The following SLC7A7 variants were observed in gnomAD, a reference collection of about 807,000 sequenced individuals.
The protein encoded by SLC7A7 is solute carrier family 7 member 7.
Under a neutral mutation model 47.9 loss-of-function variants are expected in SLC7A7, and 39 were observed. The observed-to-expected ratio is 0.81, with a 90% confidence interval of 0.63 to 1.06. SLC7A7 has a LOEUF of 1.06. SLC7A7 is among the 50% of genes least tolerant of loss of function. The pLI is 0.00. For missense variants in SLC7A7, 588 were observed against 632.0 expected (o/e 0.93, Z 0.75); for synonymous variants, 234 against 242.8 (o/e 0.96, Z 0.34).
chr14:22,791,977 G>T (rs1449538404), intron 2 of SLC7A7, among the ~76,000 whole-genome samples: 8 of 151,956 alleles, frequency 5.3e-5, no homozygotes, highest in Non-Finnish European at 8.8e-5. Flanking sequence ...TGGGACTACG[G>T]GCGTCCGCCA....
At chr14:22,800,244 C>T (rs3850293) in intron 2 of SLC7A7, among the ~76,000 whole-genome samples, 120,073 of 152,118 alleles carry the variant, frequency 0.79, 48,010 homozygotes, top group Non-Finnish European at 0.86. Context: ...TAAGAGTTTT[C>T]TCATTGCCTT....
At chr14:22,813,468 A>AT in intron 1 of SLC7A7, 28 bp from the exon 2 acceptor site, 1 of 1,591,316 alleles carries the variant, frequency 6.3e-7, no homozygotes, top group Non-Finnish European at 8.5e-7. Flanking sequence ...GATGCTATAG[A>AT]TTAGGTGGTT....
intron 2 of SLC7A7, among the ~76,000 whole-genome samples, chr14:22,805,944 C>A (rs1367124270): frequency 6.6e-6 from 1 of 151,234 alleles, no homozygotes; most frequent in Non-Finnish European, 1.5e-5. Flanking sequence ...AGATTGAGAC[C>A]ATCCTGGCCA....
chr14:22,795,665 G>A (rs1308014360), intron 2 of SLC7A7, among the ~76,000 whole-genome samples: 3 of 151,310 alleles, frequency 2.0e-5, no homozygotes, highest in Admixed American at 1.3e-4. Context: ...TAGTAGAGAC[G>A]GGTTTCACCA....
intron 2 of SLC7A7, among the ~76,000 whole-genome samples, chr14:22,812,048 T>C (rs1214016410): frequency 1.3e-5 from 2 of 152,162 alleles, no homozygotes; most frequent in African/African-American, 2.4e-5. Flanking sequence ...TTTTAAAAAG[T>C]AGATCTGTAA....
At position 22,776,023 on chromosome 14, in the gene SLC7A7, G is replaced by A. The variant is rs867976475; in HGVS notation, c.895-87C>T. 4.2e-5 allele frequency: 59 copies of A among 1,413,004 alleles called. No individual in the cohort carries two copies. In the African/African-American group the frequency reaches 6.8e-4, roughly 16 times the overall value. 87.5% of individuals were successfully genotyped at this position (1,413,004 alleles called of 1,614,324 possible). Reference sequence around the variant, plus strand: ...GCATGCCCCCAGATTCCCCTTATTAGGTATTCCAACCTTTCTTCCACAGTG... The same window carrying A: ...GCATGCCCCCAGATTCCCCTTATTAAGTATTCCAACCTTTCTTCCACAGTG... On this transcript the variant is annotated intron_variant, in intron 5 of 9. Coordinates refer to ENST00000674313, the MANE Select transcript of SLC7A7 (RefSeq NM_003982.4).
chr14:22,777,179 G>A (rs936423293), intron 4 of SLC7A7, among the ~76,000 whole-genome samples: 4 of 151,140 alleles, frequency 2.6e-5, no homozygotes, highest in Non-Finnish European at 4.4e-5. Context: ...AGGGCGGGGG[G>A]GATTAACAAA....
intron 2 of SLC7A7, among the ~76,000 whole-genome samples, chr14:22,781,929 C>T (rs549184670): frequency 3.3e-5 from 5 of 152,156 alleles, no homozygotes; most frequent in Non-Finnish European, 5.9e-5. Flanking sequence ...AATAAGCTTA[C>T]AGGACTAGCT....
chr14:22,774,006 T>C lies in SLC7A7; in HGVS notation c.1356A>G (p.Ser452=), dbSNP rs1346185145. Residue 452 remains serine (S), a synonymous_variant, in exon 9 of 10, where the codon TCA becomes TCG. Transcript: ENST00000674313. The stretch of plus-strand genomic sequence containing the variant: ...TGATGAGGAAGTAAAAGGGCAGGCC[T>C]GAGAGGGCAATGGCAATGCCGATGA... ...NSLIGIAIAL[S]GLPFYFLIIR... 5 of 1,613,960 alleles carry C rather than the reference T, an allele frequency of 3.1e-6. No individual in the cohort carries two copies. The highest frequency in any genetic ancestry group is 4.2e-6 in the Non-Finnish European group (5 of 1,180,000).
chr14:22,795,449 A>ATTCTT lies in SLC7A7; in HGVS notation c.500-15403_500-15399dup, dbSNP rs141036441. ...TTCTTTCTTTCTTTCTTTCTTTTCT[A>ATTCTT]TTCTTTTCTTTTCTTTTCTTTTCTT... On this transcript the variant is annotated intron_variant, in intron 2 of 9. Transcript: ENST00000674313. 2.2e-3 allele frequency among the ~76,000 whole-genome samples: 277 copies of ATTCTT among 123,904 alleles called. 2 individuals carry two copies. Among genetic ancestry groups the ATTCTT allele is most frequent in the African/African-American group, 7.7e-3 (248 of 32,030 alleles). 81.3% of individuals were successfully genotyped at this position (123,904 alleles called of 152,430 possible).
At chr14:22,788,679 G>A (rs757275924) in intron 2 of SLC7A7, among the ~76,000 whole-genome samples, 7 of 150,466 alleles carry the variant, frequency 4.7e-5, no homozygotes, top group African/African-American at 9.9e-5. Flanking sequence ...ACTCCAGCCC[G>A]GGCGACAGAG....
chr14:22,773,224 T>G lies in SLC7A7; in HGVS notation c.*386A>C, dbSNP rs188480200. 2.6e-6 allele frequency: 1 copy of G among 390,926 alleles called. No homozygotes were observed. Among genetic ancestry groups the G allele is most frequent in the Non-Finnish European group, 4.9e-6 (1 of 203,584 alleles). The allele number at this position is 390,926 out of a possible 1,614,324, so 24.2% of individuals were successfully genotyped here. A position where few individuals can be genotyped will look rare whatever the true frequency, so the allele number is the denominator to read the frequency against. ...ATATAAAATGAAGCCACTCAGACTT[T>G]AGGAACATAAACTTTTATTGTCATC... On this transcript the variant is annotated 3_prime_UTR_variant, in exon 10 of 10. Transcript: ENST00000674313.
chr14:22,815,129 G>C (rs1287163027), intron 1 of SLC7A7, 191 bp downstream of exon 1: 1 of 350,668 alleles, frequency 2.9e-6, no homozygotes, highest in Non-Finnish European at 5.6e-6. Flanking sequence ...GACAGCTGCA[G>C]CCAGGCAGCA....
At position 22,776,222 on chromosome 14, in the gene SLC7A7, GTCTC is replaced by G. The variant is rs949830349; in HGVS notation, c.863_866del (p.Arg288ThrfsTer10). On this transcript the variant is annotated frameshift_variant, in exon 5 of 10. Transcript: ENST00000674313. LOFTEE classifies it high-confidence loss of function. ...CAGCAACAGCATCACTGGCCAAGAT[GTCTC>G]TCATGTCTAGCACAGTATAATAGGC... The G allele has an allele frequency of 3.7e-6, 6 of 1,614,200 alleles. No individual in the cohort carries two copies. Among genetic ancestry groups the G allele is most frequent in the Non-Finnish European group, 5.1e-6 (6 of 1,180,044 alleles).
At chr14:22,795,434 C>CT (rs1225422775) in intron 2 of SLC7A7, among the ~76,000 whole-genome samples, 4 of 120,410 alleles carry the variant, frequency 3.3e-5, no homozygotes, top group African/African-American at 9.9e-5. Flanking sequence ...TTCTTTCTTT[C>CT]TTTCTTTCTT....
intron 2 of SLC7A7, among the ~76,000 whole-genome samples, chr14:22,795,247 ATTTT>A (rs10574852): frequency 6.1e-5 from 7 of 114,858 alleles, no homozygotes; most frequent in Admixed American, 1.8e-4. Flanking sequence ...TGCCCAATTA[ATTTT>A]TTTTTTTTTT....
intron 1 of SLC7A7, among the ~76,000 whole-genome samples, chr14:22,813,934 G>T (rs1316243391): frequency 2.0e-5 from 3 of 151,734 alleles, no homozygotes; most frequent in African/African-American, 4.8e-5. Context: ...GGGATTATAG[G>T]CATGCACCAC....
At chr14:22,788,362 G>A (rs1158275853) in intron 2 of SLC7A7, among the ~76,000 whole-genome samples, 1 of 152,098 alleles carries the variant, frequency 6.6e-6, no homozygotes, top group Non-Finnish European at 1.5e-5. Flanking sequence ...TTACACCCTT[G>A]CAGTAGTCAA....
At chr14:22,812,773 CTA>C (rs58930730) in intron 2 of SLC7A7, 125 bp downstream of exon 2, 8,052 of 428,438 alleles carry the variant, frequency 0.019, 3 homozygotes, top group East Asian at 0.065. Flanking sequence ...CATACTTTAA[CTA>C]TATATATATA....
Sources: allele counts gnomAD v4.1 joint callset (sites outside exome capture counted in the v4.1 genomes callset), GRCh38; gene constraint gnomAD v4.1.1; transcripts MANE v1.5; gene names NCBI Gene and HGNC (gene_info 2026-07-23, HGNC 2026-07-21).